SRGAP1: variants seen among roughly 807,000 people sequenced by gnomAD.
SRGAP1 encodes the protein SLIT-ROBO Rho GTPase-activating protein 1.
A neutral mutation model predicts 121.9 loss-of-function variants in SRGAP1; 43 were observed. The observed-to-expected ratio is 0.35, with a 90% CI of 0.28 to 0.46. The LOEUF is 0.46. Ranked by LOEUF, SRGAP1 falls within the 20% of genes least tolerant of loss-of-function variation. The pLI is 1.00. For synonymous variants in SRGAP1, 447 were observed against 485.4 expected, an observed-to-expected ratio of 0.92 and a Z score of 1.04; for missense variants, 1,102 against 1,350.9, an observed-to-expected ratio of 0.82 and a Z score of 2.89.
At chr12:64,115,772 G>A (rs938434752) in intron 17 of SRGAP1, 42 bp from the exon 18 acceptor site, 6 of 1,564,618 alleles carry the variant, frequency 3.8e-6, no homozygotes, top group Admixed American at 1.8e-5. Flanking sequence ...AAAAATTTTT[G>A]TCTATTTTAA....
intron 3 of SRGAP1, among the ~76,000 whole-genome samples, chr12:64,001,329 A>T (rs540524322): frequency 6.6e-6 from 1 of 152,274 alleles, no homozygotes; most frequent in East Asian, 1.9e-4. Context: ...CTGAATACAC[A>T]CTTAGTTTGG....
intron 1 of SRGAP1, among the ~76,000 whole-genome samples, chr12:63,864,985 C>T (rs947179981): frequency 2.6e-5 from 4 of 152,014 alleles, no homozygotes; most frequent in Non-Finnish European, 4.4e-5. Flanking sequence ...GAAGTTCTCC[C>T]CTTTCCAAAG....
At chr12:64,027,942 T>C (rs6581526) in intron 4 of SRGAP1, among the ~76,000 whole-genome samples, 1 of 152,034 alleles carries the variant, frequency 6.6e-6, no homozygotes, top group Non-Finnish European at 1.5e-5. Flanking sequence ...TGAAGTATCT[T>C]GGGTCCTCAT....
rs186347530 is a variant in SRGAP1, at chr12:63,907,186, C to T, written c.67+62303C>T. 6.9e-3 allele frequency among the ~76,000 whole-genome samples: 1,050 copies of T among 152,206 alleles called. 6 individuals are homozygous for T. Among genetic ancestry groups the T allele is most frequent in the African/African-American group, 0.024 (995 of 41,528 alleles). On this transcript the variant is annotated intron_variant, in intron 1 of 21. Coordinates refer to ENST00000355086, the MANE Select transcript of SRGAP1 (RefSeq NM_020762.4). ...AGGATGTTTAGCATCTTCTCATGTA[C>T]TTATGGCCATTTGTGTATCTACCTT... is the stretch of plus-strand genomic sequence containing the variant.
chr12:63,981,825 A>G (rs1296647727), intron 1 of SRGAP1, among the ~76,000 whole-genome samples: 3 of 152,134 alleles, frequency 2.0e-5, no homozygotes, highest in African/African-American at 4.8e-5. Flanking sequence ...TATTGAGGGC[A>G]GAGATCTTGT....
intron 3 of SRGAP1, among the ~76,000 whole-genome samples, chr12:64,013,908 C>A (rs559997474): frequency 2.0e-4 from 31 of 152,296 alleles, no homozygotes; most frequent in African/African-American, 7.2e-4. Context: ...ACATCAAAGT[C>A]AACTCAAGCC....
At chr12:64,044,674 CTTTTTTTT>C (rs558248193) in intron 6 of SRGAP1, among the ~76,000 whole-genome samples, 27 of 72,120 alleles carry the variant, frequency 3.7e-4, no homozygotes, top group African/African-American at 8.3e-4. Context: ...TGATGTGCCT[CTTTTTTTT>C]TTTTTTTTTT....
chr12:63,936,979 G>T (rs1434365447), intron 1 of SRGAP1, among the ~76,000 whole-genome samples: 1 of 152,212 alleles, frequency 6.6e-6, no homozygotes, highest in Non-Finnish European at 1.5e-5. Flanking sequence ...CGCCATATCA[G>T]TGGAGAGATG....
chr12:64,097,588 C>A, intron 15 of SRGAP1: 1 of 424,636 alleles, frequency 2.4e-6, no homozygotes, highest in Non-Finnish European at 4.0e-6. Context: ...TCCTGAACAT[C>A]CTCTGGCTCC....
At chr12:64,021,208 T>C (rs561771307) in intron 4 of SRGAP1, among the ~76,000 whole-genome samples, 36 of 152,324 alleles carry the variant, frequency 2.4e-4, no homozygotes, top group African/African-American at 8.4e-4. Flanking sequence ...ATACATCTTA[T>C]TGGCCAGAAC....
intron 4 of SRGAP1, among the ~76,000 whole-genome samples, chr12:64,029,588 G>C (rs564581712): frequency 6.6e-6 from 1 of 152,266 alleles, no homozygotes; most frequent in African/African-American, 2.4e-5. Flanking sequence ...TGGGAAAAGC[G>C]TTCCAAAAAG....
At chr12:64,035,436 C>G (rs1313881061) in intron 4 of SRGAP1, among the ~76,000 whole-genome samples, 1 of 152,272 alleles carries the variant, frequency 6.6e-6, no homozygotes, top group South Asian at 2.1e-4. Flanking sequence ...TCTTTCATCT[C>G]TAGTCTCAAG....
intron 1 of SRGAP1, among the ~76,000 whole-genome samples, chr12:63,973,103 G>T (rs148223248): frequency 1.3e-5 from 2 of 152,140 alleles, no homozygotes; most frequent in African/African-American, 2.4e-5. Context: ...AGCCAAGATC[G>T]CGCTACTGCA....
At chr12:63,871,744 A>G in intron 1 of SRGAP1, 1 of 1,058,478 alleles carries the variant, frequency 9.4e-7, no homozygotes, top group South Asian at 1.3e-5. Context: ...AAAGTTTAGA[A>G]CTGGATCACT....
intron 14 of SRGAP1, among the ~76,000 whole-genome samples, chr12:64,096,309 G>A (rs890852280): frequency 3.9e-5 from 6 of 152,124 alleles, no homozygotes; most frequent in African/African-American, 1.4e-4. Flanking sequence ...TAGGAACAGA[G>A]AAAAGAGAAC....
Position 64,035,910 on chromosome 12 carries a change from A to G in SRGAP1, c.490-6880A>G, listed in dbSNP as rs777815834. Among the ~76,000 whole-genome samples, 3 of 152,198 alleles carry G rather than the reference A, an allele frequency of 2.0e-5. No homozygotes were observed. The South Asian group carries it at 6.2e-4, about 31-fold the overall frequency. On this transcript the variant is annotated intron_variant, in intron 4 of 21. Coordinates refer to ENST00000355086, the MANE Select transcript of SRGAP1 (RefSeq NM_020762.4). ...CTACATCATACCTTAGACACTGTCA[A>G]GAATCATAACTACCCACCGTGCTGT... is the stretch of plus-strand genomic sequence containing the variant.
intron 4 of SRGAP1, chr12:64,032,792 AC>A (rs1261124547): frequency 5.2e-6 from 1 of 194,078 alleles, no homozygotes; most frequent in African/African-American, 2.3e-5. Flanking sequence ...GCATTATTTG[AC>A]CCATCTAAAT....
intron 6 of SRGAP1, among the ~76,000 whole-genome samples, chr12:64,049,202 G>A (rs753455479): frequency 2.6e-5 from 4 of 152,126 alleles, no homozygotes; most frequent in Non-Finnish European, 5.9e-5. Context: ...TAGAGGTCTA[G>A]TTTCATTCTT....
intron 10 of SRGAP1, chr12:64,080,715 C>T: frequency 2.7e-6 from 1 of 373,158 alleles, no homozygotes; most frequent in Non-Finnish European, 5.1e-6. Flanking sequence ...TTCTTCCTTC[C>T]CTTCTCAGAC....
Sources: gnomAD v4.1 joint callset for allele counts (sites outside exome capture counted in the v4.1 genomes callset) on GRCh38, gnomAD v4.1.1 for gene constraint, MANE v1.5 for transcripts, NCBI Gene and HGNC (gene_info 2026-07-23, HGNC 2026-07-21) for gene names.